Variants in ZNF518A observed in about 807,000 individuals in gnomAD.
ZNF518A encodes the protein zinc finger protein 518.
A neutral mutation model predicts 102.7 loss-of-function variants in ZNF518A; 47 were observed. That is an observed-to-expected ratio of 0.46 (90% CI 0.36 to 0.58). The LOEUF (loss-of-function observed/expected upper bound fraction) is 0.58. Among genes scored for constraint, ZNF518A ranks in the 20% least tolerant of loss-of-function variants. The pLI, the probability that ZNF518A is intolerant of heterozygous loss-of-function variation, is 0.00. For missense variants in ZNF518A, 1,793 were observed against 1,699.8 expected (o/e 1.05, Z -0.96); for synonymous variants, 652 against 594.6 (o/e 1.10, Z -1.40).
At chr10:96,170,843 A>G (rs1385811996) in intron 1 of ZNF518A, among the ~76,000 whole-genome samples, 2 of 152,344 alleles carry the variant, frequency 1.3e-5, no homozygotes, top group African/African-American at 4.8e-5. Flanking sequence ...CTGATTATGC[A>G]TTTTAATTTA....
intron 1 of ZNF518A, among the ~76,000 whole-genome samples, chr10:96,184,858 G>C (rs1011945340): frequency 1.3e-5 from 2 of 152,178 alleles, no homozygotes; most frequent in African/African-American, 4.8e-5. Context: ...TGCCTTGCTA[G>C]GTTGGGGAAG....
intron 1 of ZNF518A, among the ~76,000 whole-genome samples, chr10:96,181,349 A>G (rs1554892012): frequency 1.3e-5 from 2 of 151,682 alleles, no homozygotes; most frequent in African/African-American, 4.9e-5. Context: ...CTTTAGTTTA[A>G]TTAGATCCCA....
intron 1 of ZNF518A, among the ~76,000 whole-genome samples, chr10:96,198,422 T>C (rs2133938214): frequency 6.6e-6 from 1 of 152,302 alleles, no homozygotes; most frequent in Non-Finnish European, 1.5e-5. Context: ...AGGGCTTCTG[T>C]CTACTTGAGA....
At position 96,161,564 on chromosome 10, in the gene ZNF518A, G is replaced by A. The variant is rs1028359888; in HGVS notation, c.*790G>A. 1 of 166,556 alleles carries A rather than the reference G, an allele frequency of 6.0e-6. No individual in the cohort carries two copies. Among genetic ancestry groups the A allele is most frequent in the African/African-American group, 2.4e-5 (1 of 41,400 alleles). 10.3% of individuals were successfully genotyped at this position (166,556 alleles called of 1,614,324 possible). On this transcript the variant is annotated 3_prime_UTR_variant, in exon 6 of 6. Transcript: ENST00000316045. ...TCTAAATTTGATTATATTCTCTGATGATCCCTTTGCACAGAACTATGCTTA... is the reference window on the plus strand; with the variant it reads ...TCTAAATTTGATTATATTCTCTGATAATCCCTTTGCACAGAACTATGCTTA...
chr10:96,191,866 T>G, intron 1 of ZNF518A: 1 of 1,450,080 alleles, frequency 6.9e-7, no homozygotes, highest in Non-Finnish European at 9.6e-7. Flanking sequence ...TCCATTTTAT[T>G]ACTGGATGAT....
Position 96,157,942 on chromosome 10 carries a change from G to T in ZNF518A, c.1620G>T (p.Met540Ile), listed in dbSNP as rs1223039000. The change falls in exon 6 of 6, where the codon ATG becomes ATT. Residue 540 changes from methionine to isoleucine, a missense_variant. Physicochemically the swap from Met to Ile is conservative, Grantham distance 10. Around this residue, in one of 3 missense-constraint regions of ZNF518A, gnomAD observed 1,741 missense variants for 1,622.6 expected, o/e 1.07. Coordinates refer to ENST00000316045, the MANE Select transcript of ZNF518A (RefSeq NM_001330736.2). The part of the protein sequence containing the change: ...EMTLISQRNN[M>I]LQTMDYEKSV... ...CTTTGATATCTCAAAGGAATAATATGCTTCAAACAATGGATTATGAGAAAA... is the reference window on the plus strand; with the variant it reads ...CTTTGATATCTCAAAGGAATAATATTCTTCAAACAATGGATTATGAGAAAA... 6.2e-7 allele frequency: 1 copy of T among 1,613,694 alleles called. No individual in the cohort carries two copies. The highest frequency in any genetic ancestry group is 1.3e-5 in the African/African-American group (1 of 74,928).
At position 96,190,309 on chromosome 10, in the gene ZNF518A, G is replaced by A. The variant is rs1554893097; in HGVS notation, n.36-13265G>A. 2.6e-5 allele frequency: 16 copies of A among 619,052 alleles called. No individual in the cohort carries two copies. The East Asian group carries it at 3.3e-4, about 13-fold the overall frequency. The allele number at this position is 619,052 out of a possible 1,614,324, so 38.3% of individuals were successfully genotyped here. ...GAACAGCCATACAGGATGGAATCAC[G>A]CCAGTAGTATTGTTCCTGTGTGTCT... On this transcript the variant is annotated intron_variant and non_coding_transcript_variant, in intron 1 of 2. Transcript: ENST00000442635.
At chr10:96,191,883 T>A (rs774507707) in intron 1 of ZNF518A, 105 of 1,534,072 alleles carry the variant, frequency 6.8e-5, no homozygotes, top group Non-Finnish European at 8.8e-5. Context: ...TGATTCATAA[T>A]CCAAAATATG....
chr10:96,158,773 T>A lies in ZNF518A; in HGVS notation c.2451T>A (p.Phe817Leu). The A allele has an allele frequency of 6.2e-7, 1 of 1,613,536 alleles. No individual in the cohort carries two copies. Among genetic ancestry groups the A allele is most frequent in the South Asian group, 1.1e-5 (1 of 91,036 alleles). Residue 817 changes from phenylalanine (F) to leucine (L), a missense_variant, in exon 6 of 6, where the codon TTT (phenylalanine) becomes TTA (leucine). By Grantham distance (22) the Phe-to-Leu change is conservative (BLOSUM62 0). Coordinates refer to ENST00000316045, the MANE Select transcript of ZNF518A (RefSeq NM_001330736.2). ...TGCCACTTCATTGTGACCAGTCATTTCAAAAACACGAGAGAGAAGGCAAAA... is the reference window on the plus strand; with the variant it reads ...TGCCACTTCATTGTGACCAGTCATTACAAAAACACGAGAGAGAAGGCAAAA... ...KGLPLHCDQS[F>L]QKHEREGKIV...
At chr10:96,189,432 T>TA in intron 1 of ZNF518A, 1 of 607,802 alleles carries the variant, frequency 1.6e-6, no homozygotes, top group Non-Finnish European at 3.1e-6. Context: ...ATTCTTCACA[T>TA]AATTGATGAA....
intron 3 of ZNF518A, among the ~76,000 whole-genome samples, chr10:96,146,775 C>G (rs1053448136): frequency 2.0e-5 from 3 of 152,148 alleles, no homozygotes. Flanking sequence ...TATGAAACTA[C>G]CATTCTGACT....
chr10:96,159,075 A>C lies in ZNF518A; in HGVS notation c.2753A>C (p.Gln918Pro). 1.2e-6 allele frequency: 2 copies of C among 1,613,232 alleles called. No homozygotes were observed. The highest frequency in any genetic ancestry group is 1.7e-6 in the Non-Finnish European group (2 of 1,179,654). The change falls in exon 6 of 6, where the codon CAG becomes CCG. Residue 918 changes from glutamine (Q) to proline (P), a missense_variant. By Grantham distance (76) the Gln-to-Pro change is moderately conservative. Around this residue, in one of 3 missense-constraint regions of ZNF518A, gnomAD observed 1,741 missense variants for 1,622.6 expected, o/e 1.07. Coordinates refer to ENST00000316045, the MANE Select transcript of ZNF518A (RefSeq NM_001330736.2). ...CAAAATTTAGGTTCTTTTTATATGC[A>C]GAGTCCACTTTTAAATTCAGAACAA... is the stretch of plus-strand genomic sequence containing the variant. ...TTQNLGSFYM[Q>P]SPLLNSEQKK...
chr10:96,182,332 G>T (rs2083245093), intron 1 of ZNF518A, among the ~76,000 whole-genome samples: 2 of 152,084 alleles, frequency 1.3e-5, no homozygotes, highest in Non-Finnish European at 2.9e-5. Context: ...TCTTTGCCTT[G>T]CCTGATTGCC....
chr10:96,160,229 G>A lies in ZNF518A; in HGVS notation c.3907G>A (p.Ala1303Thr). ...ATLHRKCKEKAKPEDVRETFG... is the reference protein window; with the variant it reads ...ATLHRKCKEKTKPEDVRETFG... ...ATTGCATAGAAAGTGTAAAGAAAAG[G>A]CAAAACCTGAAGATGTCCGTGAAAC... is the stretch of plus-strand genomic sequence containing the variant. Residue 1303 changes from alanine (A) to threonine (T), a missense_variant, in exon 6 of 6, where the codon GCA becomes ACA. Ala to Thr is a moderately conservative substitution (Grantham distance 58). Around this residue, in one of 3 missense-constraint regions of ZNF518A, gnomAD observed 1,741 missense variants for 1,622.6 expected, o/e 1.07. Coordinates refer to ENST00000316045, the MANE Select transcript of ZNF518A (RefSeq NM_001330736.2). 3.7e-6 allele frequency: 6 copies of A among 1,612,726 alleles called. 1 individual carries two copies. In the South Asian group the frequency reaches 6.6e-5, roughly 18 times the overall value.
At chr10:96,204,308 T>C, downstream of ZNF518A, 1 of 701,052 alleles carries the variant, frequency 1.4e-6, no homozygotes. Context: ...ACTAAAGTAT[T>C]GTATTTTAGT....
intron 1 of ZNF518A, among the ~76,000 whole-genome samples, chr10:96,198,800 C>A (rs1479857486): frequency 6.6e-6 from 1 of 152,170 alleles, no homozygotes; most frequent in Admixed American, 6.5e-5. Flanking sequence ...CTAGGCCCAA[C>A]CGATTCTCCT....
intron 3 of ZNF518A, among the ~76,000 whole-genome samples, chr10:96,147,387 G>A (rs587654767): frequency 1.3e-5 from 2 of 152,262 alleles, no homozygotes; most frequent in Admixed American, 6.5e-5. Flanking sequence ...TCCCTTTACT[G>A]TCATCTTGGG....
chr10:96,173,930 TTAAATTAGAACTTAAAAA>T (rs2083188318), intron 1 of ZNF518A, among the ~76,000 whole-genome samples: 1 of 152,046 alleles, frequency 6.6e-6, no homozygotes, highest in South Asian at 2.1e-4. Context: ...CACAATAGAA[TTAAATTAGAACTTAAAAA>T]CAAAGGAAAT....
At chr10:96,185,738 G>T (rs188269074) in intron 1 of ZNF518A, among the ~76,000 whole-genome samples, 1 of 152,200 alleles carries the variant, frequency 6.6e-6, no homozygotes, top group African/African-American at 2.4e-5. Flanking sequence ...CTACTGGGAG[G>T]TGTCTCCCAG....
Sources: gnomAD v4.1 joint callset for allele counts (sites outside exome capture counted in the v4.1 genomes callset) on GRCh38, gnomAD v4.1.1 for gene constraint, gnomAD v4.1.1 regional missense constraint, MANE v1.5 for transcripts, NCBI Gene and HGNC (gene_info 2026-07-23, HGNC 2026-07-21) for gene names.